The following EMP2 variants were observed in gnomAD, a reference collection of about 807,000 sequenced individuals.
The protein encoded by EMP2 is epithelial membrane protein 2.
In EMP2, 19 loss-of-function variants were observed where a neutral mutation model predicts 13.7. The observed-to-expected ratio is 1.38, with a 90% CI of 0.97 to 2.03. The LOEUF is 2.03. Among genes scored for constraint, EMP2 ranks in the 30% most tolerant of loss-of-function variants. The pLI is 0.00. For missense variants in EMP2, 253 were observed against 220.7 expected, an observed-to-expected ratio of 1.15 and a Z score of -0.93; for synonymous variants, 97 against 84.7, an observed-to-expected ratio of 1.15 and a Z score of -0.80.
In EMP2 at chr16:10,533,829, C is replaced by G. The variant is rs574242441; in HGVS notation, c.317-737G>C. 2.5e-3 allele frequency among the ~76,000 whole-genome samples: 375 copies of G among 152,112 alleles called. 3 individuals carry two copies. Among genetic ancestry groups the G allele is most frequent in the African/African-American group, 8.7e-3 (362 of 41,520 alleles). ...AACCTTCAGTGAAAAATATGACTCC[C>G]TGGGCCGGACACGGTGACTCATGCC... On this transcript the variant is annotated intron_variant, in intron 4 of 4. Transcript: ENST00000359543.
At chr16:10,537,782 G>T in intron 4 of EMP2, 146 bp downstream of exon 4, 1 of 880,766 alleles carries the variant, frequency 1.1e-6, no homozygotes, top group Non-Finnish European at 1.7e-6. Flanking sequence ...ACACACACAC[G>T]CAAACACACA....
In EMP2 at chr16:10,530,305, G is replaced by A. The variant is rs184796881; in HGVS notation, c.*2600C>T. Reference sequence around the variant, plus strand: ...ACATGGTAAACATTTAATACTATCTGTCAAAAACAAATGAATGAAAGAGCA... The same window carrying A: ...ACATGGTAAACATTTAATACTATCTATCAAAAACAAATGAATGAAAGAGCA... On this transcript the variant is annotated 3_prime_UTR_variant, in exon 5 of 5. Transcript: ENST00000359543. 11 of 152,260 alleles carry A rather than the reference G, an allele frequency of 7.2e-5. No homozygotes were observed. Among genetic ancestry groups the A allele is most frequent in the African/African-American group, 2.7e-4 (11 of 41,462 alleles). 9.4% of individuals were successfully genotyped at this position (152,260 alleles called of 1,614,324 possible). A position where few individuals can be genotyped will look rare whatever the true frequency, so the allele number is the denominator to read the frequency against.
At chr16:10,556,090 T>C in intron 1 of EMP2, among the ~76,000 whole-genome samples, 1 of 152,186 alleles carries the variant, frequency 6.6e-6, no homozygotes, top group East Asian at 1.9e-4. Context: ...GATCAATAAT[T>C]GTCATTTACA....
At chr16:10,574,543 C>T (rs1340193075) in intron 1 of EMP2, among the ~76,000 whole-genome samples, 2 of 151,392 alleles carry the variant, frequency 1.3e-5, no homozygotes, top group Non-Finnish European at 2.9e-5. Flanking sequence ...CAATCTCTGC[C>T]TTTTCTTTTT....
intron 4 of EMP2, among the ~76,000 whole-genome samples, chr16:10,537,411 C>A (rs1254728246): frequency 1.3e-5 from 2 of 152,172 alleles, no homozygotes; most frequent in East Asian, 3.9e-4. Flanking sequence ...CAGCTTGAAA[C>A]CTGTTGATGG....
intron 3 of EMP2, among the ~76,000 whole-genome samples, chr16:10,539,844 G>A (rs2050680770): frequency 6.6e-6 from 1 of 152,164 alleles, no homozygotes; most frequent in Non-Finnish European, 1.5e-5. Context: ...TGGAGCCCAA[G>A]TGGTGACCCT....
At chr16:10,579,492 T>C (rs1428166167) in intron 1 of EMP2, among the ~76,000 whole-genome samples, 1 of 152,156 alleles carries the variant, frequency 6.6e-6, no homozygotes, top group Non-Finnish European at 1.5e-5. Flanking sequence ...CAAAACTTTT[T>C]CATCCTCCCC....
intron 1 of EMP2, among the ~76,000 whole-genome samples, chr16:10,575,562 ACCC>A (rs2050978797): frequency 6.6e-6 from 1 of 151,712 alleles, no homozygotes; most frequent in Non-Finnish European, 1.5e-5. Flanking sequence ...TGGACTTGTC[ACCC>A]CCATCGCTAG....
chr16:10,574,007 G>T (rs573839512), intron 1 of EMP2, among the ~76,000 whole-genome samples: 3 of 133,008 alleles, frequency 2.3e-5, no homozygotes, highest in South Asian at 2.4e-4. Flanking sequence ...GCATGATCTC[G>T]GCTCACTGCC....
intron 4 of EMP2, among the ~76,000 whole-genome samples, chr16:10,534,334 G>C (rs2050631234): frequency 6.6e-6 from 1 of 152,212 alleles, no homozygotes; most frequent in South Asian, 2.1e-4. Context: ...GCTTGACGCA[G>C]ACGCTGCTAA....
At position 10,567,379 on chromosome 16, in the gene EMP2, C is replaced by A. The variant is rs1045170549; in HGVS notation, c.-61+13170G>T. ...TATAGCATTCTCTTCCCCTTGGCAG[C>A]CCCATGGCCTCCAGCTCTCTGACTC... On this transcript the variant is annotated intron_variant, in intron 1 of 4. Coordinates refer to ENST00000359543, the MANE Select transcript of EMP2 (RefSeq NM_001424.6). Among the ~76,000 whole-genome samples, 3 of 152,326 alleles carry A rather than the reference C, an allele frequency of 2.0e-5. No homozygotes were observed. In the South Asian group the frequency reaches 6.2e-4, roughly 32 times the overall value.
rs979638977 is a variant in EMP2 at position 10,532,979 on chromosome 16, T to C, written c.430A>G (p.Ile144Val). Reference sequence around the variant, plus strand: ...CAGGCGAAGGCCACCCACGCCAGGATGTAGGAGTAGCCGTAGCTGCCTTCT... The same window carrying C: ...CAGGCGAAGGCCACCCACGCCAGGACGTAGGAGTAGCCGTAGCTGCCTTCT... The part of the protein sequence containing the change: ...TREGSYGYSY[I>V]LAWVAFACTF... The change falls in exon 5 of 5, where the codon ATC becomes GTC. Residue 144 changes from isoleucine (I) to valine (V), a missense_variant. Physicochemically the swap from Ile to Val is conservative, Grantham distance 29. Coordinates refer to ENST00000359543, the MANE Select transcript of EMP2 (RefSeq NM_001424.6). 7 of 1,611,924 alleles carry C rather than the reference T, an allele frequency of 4.3e-6. No individual in the cohort carries two copies. The highest frequency in any genetic ancestry group is 5.9e-6 in the Non-Finnish European group (7 of 1,179,076).
At chr16:10,565,732 A>G (rs1217300002) in intron 1 of EMP2, among the ~76,000 whole-genome samples, 1 of 152,150 alleles carries the variant, frequency 6.6e-6, no homozygotes, top group Admixed American at 6.5e-5. Flanking sequence ...ATCACCATGA[A>G]AAATTTAGCA....
chr16:10,551,553 C>T (rs191479011), intron 1 of EMP2, among the ~76,000 whole-genome samples: 36 of 152,226 alleles, frequency 2.4e-4, no homozygotes, highest in African/African-American at 5.3e-4. Flanking sequence ...ACTACAGGCA[C>T]GTGCTACTAC....
At chr16:10,572,438 T>A (rs1400045239) in intron 1 of EMP2, among the ~76,000 whole-genome samples, 3 of 148,230 alleles carry the variant, frequency 2.0e-5, no homozygotes, top group Non-Finnish European at 4.5e-5. Flanking sequence ...CCCAGCGAGA[T>A]CCTGTCTCAA....
chr16:10,547,332 C>A, intron 2 of EMP2: 1 of 543,550 alleles, frequency 1.8e-6, no homozygotes, highest in Non-Finnish European at 3.2e-6. Flanking sequence ...TGCCTGCCAC[C>A]ATGTAAGATG....
At chr16:10,551,836 C>T (rs1049065992) in intron 1 of EMP2, among the ~76,000 whole-genome samples, 1 of 152,166 alleles carries the variant, frequency 6.6e-6, no homozygotes, top group African/African-American at 2.4e-5. Flanking sequence ...TGCTCATTCT[C>T]ATCCCCATTA....
At chr16:10,573,921 T>C (rs1008492554) in intron 1 of EMP2, among the ~76,000 whole-genome samples, 8 of 149,276 alleles carry the variant, frequency 5.4e-5, no homozygotes, top group Non-Finnish European at 1.2e-4. Context: ...ATGGGTACAA[T>C]GGATAAACCT....
intron 1 of EMP2, among the ~76,000 whole-genome samples, chr16:10,560,769 G>A (rs1453361719): frequency 1.3e-5 from 2 of 152,266 alleles, no homozygotes; most frequent in Middle Eastern, 3.4e-3. Context: ...CGGAGTGGTG[G>A]GGAGAGGGTG....
Sources: gnomAD v4.1 joint callset for allele counts (sites outside exome capture counted in the v4.1 genomes callset) on GRCh38, gnomAD v4.1.1 for gene constraint, MANE v1.5 for transcripts, NCBI Gene and HGNC (gene_info 2026-07-23, HGNC 2026-07-21) for gene names.